SULT2A1: variants seen among roughly 807,000 people sequenced by gnomAD.
The protein encoded by SULT2A1 is sulfotransferase 2A1.
Under a neutral mutation model 33.9 loss-of-function variants are expected in SULT2A1, and 43 were observed. The ratio of observed to expected loss-of-function variants is 1.27; its 90% CI spans 1.00 to 1.64. SULT2A1 has a LOEUF of 1.64. Ranked by LOEUF, SULT2A1 falls within the 40% of genes most tolerant of loss-of-function variation. The pLI, the probability that SULT2A1 is intolerant of heterozygous loss-of-function variation, is 0.00. For missense variants in SULT2A1, 300 were observed against 335.1 expected, an observed-to-expected ratio of 0.90 and a Z score of 0.82; for synonymous variants, 125 against 113.6, an observed-to-expected ratio of 1.10 and a Z score of -0.64.
At chr19:47,878,654 T>G (rs1022007231) in intron 4 of SULT2A1, among the ~76,000 whole-genome samples, 100 of 151,928 alleles carry the variant, frequency 6.6e-4, no homozygotes, top group African/African-American at 2.3e-3. Flanking sequence ...GTAGCTGGGA[T>G]TACAGGCGCT....
chr19:47,874,494 C>G (rs1018215916), intron 5 of SULT2A1, among the ~76,000 whole-genome samples, 163 bp downstream of exon 5: 3 of 144,060 alleles, frequency 2.1e-5, no homozygotes, highest in African/African-American at 7.8e-5. Context: ...GAGCTGAGAT[C>G]GCACCACTGC....
chr19:47,880,385 G>A (rs1647826876), intron 3 of SULT2A1, among the ~76,000 whole-genome samples: 3 of 151,750 alleles, frequency 2.0e-5, no homozygotes, highest in East Asian at 1.9e-4. Flanking sequence ...CCTACAACAC[G>A]TGGGGATTAT....
chr19:47,877,552 C>CTT (rs565116311), intron 4 of SULT2A1, among the ~76,000 whole-genome samples: 21 of 137,476 alleles, frequency 1.5e-4, no homozygotes, highest in Non-Finnish European at 1.9e-4. Context: ...CTTTTTCTTT[C>CTT]TTTTTTTTTT....
At chr19:47,882,278 A>C in intron 2 of SULT2A1, 68 bp from the exon 3 acceptor site, 1 of 1,550,238 alleles carries the variant, frequency 6.5e-7, no homozygotes, top group South Asian at 1.2e-5. Flanking sequence ...ATCTTCACAA[A>C]AATGGAGAAA....
chr19:47,881,528 T>C (rs1968603894), intron 3 of SULT2A1, among the ~76,000 whole-genome samples: 1 of 152,110 alleles, frequency 6.6e-6, no homozygotes, highest in Non-Finnish European at 1.5e-5. Context: ...CTCTCTCTAA[T>C]GGAGGTATCT....
intron 4 of SULT2A1, among the ~76,000 whole-genome samples, chr19:47,875,844 G>A (rs760665230): frequency 6.6e-6 from 1 of 152,128 alleles, no homozygotes; most frequent in South Asian, 2.1e-4. Context: ...GAATCTGATG[G>A]AGATTGAAGG....
At chr19:47,878,830 A>G (rs1476782636) in intron 4 of SULT2A1, among the ~76,000 whole-genome samples, 1 of 152,036 alleles carries the variant, frequency 6.6e-6, no homozygotes, top group Non-Finnish European at 1.5e-5. Flanking sequence ...GTTTTAAGAT[A>G]AAATAAGGAG....
chr19:47,873,465 C>G (rs1406585593), intron 5 of SULT2A1, among the ~76,000 whole-genome samples: 1 of 152,072 alleles, frequency 6.6e-6, no homozygotes, highest in African/African-American at 2.4e-5. Context: ...GCCACCACGC[C>G]TGGCCCTGGA....
At chr19:47,883,919 A>T in intron 1 of SULT2A1, 134 bp from the exon 2 acceptor site, 2 of 764,302 alleles carry the variant, frequency 2.6e-6, no homozygotes, top group Non-Finnish European at 4.1e-6. Context: ...TAGCCTGGCC[A>T]AGATGGTGAA....
chr19:47,877,935 C>G (rs1968563630), intron 4 of SULT2A1, among the ~76,000 whole-genome samples: 1 of 152,216 alleles, frequency 6.6e-6, no homozygotes, highest in Admixed American at 6.5e-5. Context: ...GTACTTGGAT[C>G]TCAGAATAGT....
chr19:47,876,258 TG>T (rs1968543237), intron 4 of SULT2A1, among the ~76,000 whole-genome samples: 1 of 152,116 alleles, frequency 6.6e-6, no homozygotes, highest in South Asian at 2.1e-4. Flanking sequence ...TCAGGTGATC[TG>T]CCCACCTCAG....
intron 3 of SULT2A1, among the ~76,000 whole-genome samples, chr19:47,880,383 A>G (rs1968592149): frequency 6.6e-6 from 1 of 151,724 alleles, no homozygotes; most frequent in African/African-American, 2.4e-5. Context: ...CTCCTACAAC[A>G]CGTGGGGATT....
chr19:47,880,562 C>CATTATT (rs66892249), intron 3 of SULT2A1, among the ~76,000 whole-genome samples: 25 of 146,618 alleles, frequency 1.7e-4, no homozygotes, highest in Non-Finnish European at 2.8e-4. Flanking sequence ...GTATGGAATA[C>CATTATT]ATTATTATTA....
chr19:47,883,630 A>G lies in SULT2A1; in HGVS notation c.292T>C (p.Ser98Pro). 1 of 1,614,038 alleles carries G rather than the reference A, an allele frequency of 6.2e-7. No homozygotes were observed. The highest frequency in any genetic ancestry group is 1.1e-5 in the South Asian group (1 of 91,070). Residue 98 changes from serine to proline, a missense_variant, in exon 2 of 6, where the codon TCC becomes CCC. Coordinates refer to ENST00000222002, the MANE Select transcript of SULT2A1 (RefSeq NM_003167.4). ...GGGAATAACTGGATGGGGAGGTGGG[A>G]GGAGAATAAACGTGGACTCTCCGTT... Reference protein sequence around the residue: ...SETESPRLFSSHLPIQLFPKS... With the variant: ...SETESPRLFSPHLPIQLFPKS...
At chr19:47,871,639 T>G (rs1291957786) in intron 5 of SULT2A1, 72 bp from the exon 6 acceptor site, 7 of 1,009,346 alleles carry the variant, frequency 6.9e-6, no homozygotes, top group Non-Finnish European at 1.1e-5. Context: ...GCACCTGACA[T>G]GGACATTGTA....
At chr19:47,878,202 G>A (rs62531002) in intron 4 of SULT2A1, among the ~76,000 whole-genome samples, 290 of 152,280 alleles carry the variant, frequency 1.9e-3, no homozygotes, top group African/African-American at 6.7e-3. Context: ...TAGAGCCGGC[G>A]TCTTGCTCTG....
At chr19:47,880,110 G>A (rs536962564) in intron 3 of SULT2A1, among the ~76,000 whole-genome samples, 7 of 151,526 alleles carry the variant, frequency 4.6e-5, no homozygotes, top group South Asian at 4.2e-4. Flanking sequence ...GATGGCGGGC[G>A]CCTGTAGTCC....
intron 2 of SULT2A1, among the ~76,000 whole-genome samples, chr19:47,882,845 G>A (rs1431892857): frequency 2.0e-5 from 3 of 152,098 alleles, no homozygotes; most frequent in African/African-American, 4.8e-5. Flanking sequence ...AACCTGGGGA[G>A]GTGGAGGTTG....
At chr19:47,873,805 A>G (rs187958209) in intron 5 of SULT2A1, among the ~76,000 whole-genome samples, 5 of 151,090 alleles carry the variant, frequency 3.3e-5, no homozygotes, top group East Asian at 4.0e-4. Flanking sequence ...TTGTATTTTT[A>G]GTGGAGATGG....
Sources: gnomAD v4.1 joint callset for allele counts (sites outside exome capture counted in the v4.1 genomes callset) on GRCh38, gnomAD v4.1.1 for gene constraint, MANE v1.5 for transcripts, NCBI Gene and HGNC (gene_info 2026-07-23, HGNC 2026-07-21) for gene names.